LRRIQ1: variants seen among roughly 807,000 people sequenced by gnomAD.
The protein encoded by LRRIQ1 is leucine rich repeats and IQ motif containing 1.
In LRRIQ1, 210 loss-of-function variants were observed where a neutral mutation model predicts 211.9. The observed-to-expected ratio is 0.99, with a 90% CI of 0.89 to 1.11. The LOEUF is 1.11. LRRIQ1 is among the 50% of genes most tolerant of loss of function. The probability of loss-of-function intolerance (pLI) is 0.00; values close to 1 mark genes in which losing one functional copy is unlikely to be tolerated. For missense variants in LRRIQ1, 2,136 were observed against 1,939.5 expected (o/e 1.10, Z -1.90); for synonymous variants, 699 against 650.1 (o/e 1.08, Z -1.14).
At chr12:85,082,217 C>CTAT (rs952729743) in intron 11 of LRRIQ1, among the ~76,000 whole-genome samples, 1 of 151,994 alleles carries the variant, frequency 6.6e-6, no homozygotes, top group African/African-American at 2.4e-5. Flanking sequence ...AAGTATCAAT[C>CTAT]TATTATTATT....
Position 85,038,133 on chromosome 12 carries a change from C to A in LRRIQ1, c.-24-20C>A. ...ACATAATTTTTAGTGACATATTAGCCTCTTCATTTTTTAAAGCAGTTCTGT... is the reference window on the plus strand; with the variant it reads ...ACATAATTTTTAGTGACATATTAGCATCTTCATTTTTTAAAGCAGTTCTGT... On this transcript the variant is annotated intron_variant, in intron 1 of 26. Coordinates refer to ENST00000393217, the MANE Select transcript of LRRIQ1 (RefSeq NM_001079910.2). 7.2e-7 allele frequency: 1 copy of A among 1,395,682 alleles called. No individual in the cohort carries two copies. The highest frequency in any genetic ancestry group is 9.4e-7 in the Non-Finnish European group (1 of 1,063,584). The allele number at this position is 1,395,682 out of a possible 1,614,324, so 86.5% of individuals were successfully genotyped here.
downstream of LRRIQ1, among the ~76,000 whole-genome samples, chr12:85,266,820 A>G (rs1160224917): frequency 6.6e-6 from 1 of 152,162 alleles, no homozygotes; most frequent in Non-Finnish European, 1.5e-5. Flanking sequence ...CCAAGGTGCT[A>G]CAGGAAGATT....
Position 85,062,748 on chromosome 12 carries a change from C to T in LRRIQ1, c.2392-2514C>T, listed in dbSNP as rs114809675. On this transcript the variant is annotated intron_variant, in intron 8 of 26. Coordinates refer to ENST00000393217, the MANE Select transcript of LRRIQ1 (RefSeq NM_001079910.2). ...GGGATAGGTGGGTTGAATGGTGGTT[C>T]AACTCTTAGTTCTTTGAAAAATCTC... 6.6e-3 allele frequency among the ~76,000 whole-genome samples: 1,008 copies of T among 151,654 alleles called. 17 individuals carry two copies. The highest frequency in any genetic ancestry group is 0.023 in the African/African-American group (950 of 41,418).
intron 24 of LRRIQ1, among the ~76,000 whole-genome samples, chr12:85,177,886 A>G (rs1277389755): frequency 1.3e-5 from 2 of 152,092 alleles, no homozygotes; most frequent in East Asian, 1.9e-4. Flanking sequence ...GGGAAAACAT[A>G]ATAGATATGG....
At chr12:85,088,406 T>A (rs1885052124) in intron 11 of LRRIQ1, among the ~76,000 whole-genome samples, 1 of 152,192 alleles carries the variant, frequency 6.6e-6, no homozygotes, top group African/African-American at 2.4e-5. Context: ...TTCTTTTGGC[T>A]TAGGATTGTG....
rs1316725733 is a variant in LRRIQ1 at position 85,047,474 on chromosome 12, T to G, written c.678+4T>G. Reference sequence around the variant, plus strand: ...GAAATTAGAGAACATTCAGAAGGTATTTTGCTTTTGTTTTTCATGTATTTT... The same window carrying G: ...GAAATTAGAGAACATTCAGAAGGTAGTTTGCTTTTGTTTTTCATGTATTTT... On this transcript the variant is annotated splice_donor_region_variant and intron_variant, in intron 6 of 26. Transcript: ENST00000393217. The G allele has an allele frequency of 6.2e-6, 10 of 1,605,606 alleles. No individual in the cohort carries two copies. Among genetic ancestry groups the G allele is most frequent in the Non-Finnish European group, 8.5e-6 (10 of 1,176,656 alleles).
intron 11 of LRRIQ1, among the ~76,000 whole-genome samples, chr12:85,087,022 C>G (rs1402844657): frequency 6.6e-6 from 1 of 151,818 alleles, no homozygotes; most frequent in African/African-American, 2.4e-5. Context: ...TATACATGTG[C>G]CATGTTGGTG....
rs761073521 is a variant in LRRIQ1 at position 85,055,995 on chromosome 12, A to C, written c.1202A>C (p.Lys401Thr). Residue 401 changes from lysine to threonine, a missense_variant, in exon 8 of 27, where the codon AAG (lysine) becomes ACG (threonine). Coordinates refer to ENST00000393217, the MANE Select transcript of LRRIQ1 (RefSeq NM_001079910.2). ...SQQLIISSAL[K>T]KSGYNNKHLS... ...CAGCTAATAATAAGTAGTGCATTAA[A>C]GAAGAGCGGATATAATAACAAACAT... The C allele has an allele frequency of 1.4e-5, 23 of 1,609,286 alleles. No homozygotes were observed. The highest frequency in any genetic ancestry group is 2.0e-5 in the Non-Finnish European group (23 of 1,178,312).
rs529452111 is a variant in LRRIQ1 at position 85,141,985 on chromosome 12, A to G, written c.4329+4016A>G. On this transcript the variant is annotated intron_variant, in intron 19 of 26. Transcript: ENST00000393217. ...GATCATTTTCTTTTGCCTGAAAGAC[A>G]CTCTCTAGTAGGAGTCAGTTTTTGA... 4.7e-5 allele frequency among the ~76,000 whole-genome samples: 7 copies of G among 150,268 alleles called. No homozygotes were observed. The East Asian group carries it at 1.2e-3, about 25-fold the overall frequency.
At chr12:85,213,053 G>C (rs1308992060) in intron 24 of LRRIQ1, among the ~76,000 whole-genome samples, 1 of 151,346 alleles carries the variant, frequency 6.6e-6, no homozygotes, top group African/African-American at 2.4e-5. Context: ...AAATAGCCCA[G>C]GTAGCAAATA....
intron 24 of LRRIQ1, among the ~76,000 whole-genome samples, chr12:85,193,588 G>A (rs1171531630): frequency 6.7e-6 from 1 of 149,662 alleles, no homozygotes; most frequent in Non-Finnish European, 1.5e-5. Context: ...CATAAGTGAA[G>A]GAGAAATAAA....
At chr12:85,236,831 A>ATATATATATATATCTATATATCTATATC (rs1593009669) in intron 26 of LRRIQ1, among the ~76,000 whole-genome samples, 1 of 34,342 alleles carries the variant, frequency 2.9e-5, no homozygotes, top group East Asian at 7.0e-4. Flanking sequence ...GTATGTGTGC[A>ATATATATATATATCTATATATCTATATC]TATATATATA....
In LRRIQ1 at chr12:85,089,401, T is replaced by C. The variant is rs538495000; in HGVS notation, c.2888-8954T>C. Among the ~76,000 whole-genome samples the C allele has an allele frequency of 1.8e-4, 27 of 152,280 alleles. No individual in the cohort carries two copies. In the South Asian group the frequency reaches 4.8e-3, roughly 27 times the overall value. ...AGAGTTTGGAGGGCTTAGAAGAAGA[T>C]AGGAAGATGAGAGAAAGTTTGGAAC... On this transcript the variant is annotated intron_variant, in intron 11 of 26. Transcript: ENST00000393217.
At chr12:85,065,897 A>G (rs965356876) in intron 9 of LRRIQ1, among the ~76,000 whole-genome samples, 2 of 151,884 alleles carry the variant, frequency 1.3e-5, no homozygotes, top group Non-Finnish European at 2.9e-5. Flanking sequence ...GAATCTCTCT[A>G]GTTATCTGGG....
chr12:85,170,556 G>T (rs190387732), intron 24 of LRRIQ1, among the ~76,000 whole-genome samples: 3 of 150,740 alleles, frequency 2.0e-5, no homozygotes, highest in Admixed American at 2.0e-4. Context: ...ACATATATGT[G>T]TGTATATATG....
chr12:85,149,125 C>CT (rs1407372546), intron 19 of LRRIQ1, among the ~76,000 whole-genome samples: 1 of 151,956 alleles, frequency 6.6e-6, no homozygotes, highest in Non-Finnish European at 1.5e-5. Flanking sequence ...ATGATAGTTT[C>CT]TTTTGCTGAG....
intron 8 of LRRIQ1, among the ~76,000 whole-genome samples, chr12:85,059,699 C>T (rs747279266): frequency 1.3e-5 from 2 of 151,868 alleles, no homozygotes; most frequent in African/African-American, 2.4e-5. Context: ...GGGGATGAAT[C>T]AATTGATGAA....
chr12:85,072,154 T>G (rs718551), intron 10 of LRRIQ1, among the ~76,000 whole-genome samples: 34,776 of 151,950 alleles, frequency 0.23, 4,462 homozygotes, highest in African/African-American at 0.32. Context: ...TTGTGACATG[T>G]AGATATTTTC....
chr12:85,091,364 G>A lies in LRRIQ1; in HGVS notation c.2888-6991G>A, dbSNP rs150350729. On this transcript the variant is annotated intron_variant, in intron 11 of 26. Coordinates refer to ENST00000393217, the MANE Select transcript of LRRIQ1 (RefSeq NM_001079910.2). Reference sequence around the variant, plus strand: ...GTGGTTGTTTTTTGTTTGTTGAATTGTTTAAAAATTCCTTATAGATTCTGT... The same window carrying A: ...GTGGTTGTTTTTTGTTTGTTGAATTATTTAAAAATTCCTTATAGATTCTGT... Among the ~76,000 whole-genome samples the A allele has an allele frequency of 1.3e-3, 200 of 151,938 alleles. 1 individual carries two copies. The highest frequency in any genetic ancestry group is 4.6e-3 in the African/African-American group (192 of 41,464).
Sources: gnomAD v4.1 joint callset for allele counts (sites outside exome capture counted in the v4.1 genomes callset) on GRCh38, gnomAD v4.1.1 for gene constraint, MANE v1.5 for transcripts, NCBI Gene and HGNC (gene_info 2026-07-23, HGNC 2026-07-21) for gene names.